STK3: variants seen among roughly 807,000 people sequenced by gnomAD.
STK3 encodes the protein serine/threonine-protein kinase 3.
In STK3, 41 loss-of-function variants were observed where a neutral mutation model predicts 58.0. That is an observed-to-expected ratio of 0.71 (90% CI 0.55 to 0.92). The LOEUF is 0.92. Among genes scored for constraint, STK3 ranks in the 40% least tolerant of loss-of-function variants. STK3 has a pLI of 0.00. For missense variants in STK3, 479 were observed against 602.7 expected (o/e 0.79, Z 2.15); for synonymous variants, 170 against 191.0 (o/e 0.89, Z 0.91).
intron 1 of STK3, among the ~76,000 whole-genome samples, chr8:98,888,996 G>C (rs1447245): frequency 0.25 from 38,130 of 152,096 alleles, 5,823 homozygotes; most frequent in East Asian, 0.44. Flanking sequence ...GTTCCCAAGA[G>C]CAGAATTCAG....
chr8:98,595,812 C>A, intron 7 of STK3: 4 of 418,596 alleles, frequency 9.6e-6, no homozygotes, highest in East Asian at 3.5e-5. Flanking sequence ...GACAAAGATT[C>A]CTTTCTGAAA....
intron 3 of STK3, among the ~76,000 whole-genome samples, chr8:98,760,467 G>A (rs934554023): frequency 6.6e-6 from 1 of 152,124 alleles, no homozygotes; most frequent in Non-Finnish European, 1.5e-5. Context: ...AGAGGAGTAA[G>A]CAGCTATGTC....
chr8:98,843,846 G>A lies in STK3; in HGVS notation c.110+39801C>T, dbSNP rs139702478. Among the ~76,000 whole-genome samples, 784 of 152,230 alleles carry A rather than the reference G, an allele frequency of 5.2e-3. 6 individuals are homozygous for A. The highest frequency in any genetic ancestry group is 0.017 in the African/African-American group (707 of 41,552). On this transcript the variant is annotated intron_variant, in intron 3 of 12. Coordinates refer to the STK3 transcript ENST00000523601. Reference sequence around the variant, plus strand: ...AGCCTGGCCAACATGGCAAAACCCCGTCTCTACTACAAAGACAAAAATTTG... The same window carrying A: ...AGCCTGGCCAACATGGCAAAACCCCATCTCTACTACAAAGACAAAAATTTG...
At chr8:98,620,314 G>T (rs1184857578) in intron 6 of STK3, among the ~76,000 whole-genome samples, 1 of 123,738 alleles carries the variant, frequency 8.1e-6, no homozygotes, top group African/African-American at 3.1e-5. Flanking sequence ...TGGGGACTGT[G>T]GTGGGGTGAG....
At chr8:98,627,586 A>G (rs1818829811) in intron 6 of STK3, among the ~76,000 whole-genome samples, 1 of 151,740 alleles carries the variant, frequency 6.6e-6, no homozygotes, top group Non-Finnish European at 1.5e-5. Flanking sequence ...TGACATACTC[A>G]TGCCCCCACT....
At chr8:98,729,602 T>C (rs905931495) in intron 4 of STK3, among the ~76,000 whole-genome samples, 3 of 152,366 alleles carry the variant, frequency 2.0e-5, no homozygotes, top group Non-Finnish European at 2.9e-5. Flanking sequence ...TAGATGATCA[T>C]GTCCAAAATG....
chr8:98,826,420 C>T (rs1310542224), upstream of STK3, among the ~76,000 whole-genome samples: 1 of 152,102 alleles, frequency 6.6e-6, no homozygotes, highest in Admixed American at 6.5e-5. Context: ...ATCTAATTAC[C>T]GAGAAAATAA....
At chr8:98,733,265 C>T (rs1828337331) in intron 4 of STK3, among the ~76,000 whole-genome samples, 1 of 152,194 alleles carries the variant, frequency 6.6e-6, no homozygotes. Context: ...CCTATTCTTT[C>T]AAGAATCTGC....
chr8:98,845,802 A>G (rs1229089972), intron 3 of STK3, among the ~76,000 whole-genome samples: 2 of 152,238 alleles, frequency 1.3e-5, no homozygotes, highest in Admixed American at 6.5e-5. Context: ...AACTTGCTGC[A>G]GAATGATTGG....
the STK3 span, among the ~76,000 whole-genome samples, chr8:98,353,144 A>G: frequency 6.6e-6 from 1 of 152,206 alleles, no homozygotes; most frequent in Non-Finnish European, 1.5e-5. Flanking sequence ...TTAAAATGTT[A>G]TATAAAATTA....
downstream of STK3, chr8:98,880,574 G>T (rs1837756113): frequency 6.6e-6 from 1 of 152,024 alleles, no homozygotes; most frequent in Non-Finnish European, 1.5e-5. Context: ...TAAGAACCAA[G>T]AATACAAATC....
intron 6 of STK3, among the ~76,000 whole-genome samples, chr8:98,639,664 T>C (rs1238998412): frequency 2.0e-5 from 3 of 152,228 alleles, no homozygotes; most frequent in African/African-American, 7.2e-5. Context: ...CAAAGGCATA[T>C]AGTAATAATT....
chr8:98,410,519 CAG>C (rs1818042720), intron 3 of STK3, among the ~76,000 whole-genome samples: 1 of 152,168 alleles, frequency 6.6e-6, no homozygotes, highest in Non-Finnish European at 1.5e-5. Flanking sequence ...TCAGCTGACT[CAG>C]ATGCTTTTTT....
At chr8:98,434,097 G>C (rs1818401198) in intron 3 of STK3, 1 of 152,254 alleles carries the variant, frequency 6.6e-6, no homozygotes. Context: ...GTATGGAGCA[G>C]ATGGCTCTCC....
intron 6 of STK3, among the ~76,000 whole-genome samples, chr8:98,599,118 T>G (rs1348270036): frequency 6.6e-6 from 1 of 152,196 alleles, no homozygotes; most frequent in African/African-American, 2.4e-5. Flanking sequence ...AAGAAATTCA[T>G]GCTATTATTT....
At chr8:98,492,811 G>A (rs1822803561) in intron 10 of STK3, among the ~76,000 whole-genome samples, 2 of 152,026 alleles carry the variant, frequency 1.3e-5, no homozygotes, top group African/African-American at 4.8e-5. Context: ...CCCTCTTCCT[G>A]TCCAGATGTG....
chr8:98,639,798 G>C (rs1364131688), intron 6 of STK3, among the ~76,000 whole-genome samples: 1 of 151,998 alleles, frequency 6.6e-6, no homozygotes, highest in African/African-American at 2.4e-5. Context: ...ACAAAGACAC[G>C]CCTTTGTTCA....
rs1390002585 is a variant in STK3, at chr8:98,548,016, A to G, written c.1094T>C (p.Met365Thr). ...TTCCTCATCCTCACTGTTTATCACC[A>G]TGGTCCCCAAGTCGGATTCCAACAT... ...STMLESDLGT[M>T]VINSEDEEEE... Residue 365 changes from methionine to threonine, a missense_variant, in exon 9 of 11, where the codon ATG becomes ACG. Coordinates refer to ENST00000419617, the MANE Select transcript of STK3 (RefSeq NM_006281.4). 1.2e-6 allele frequency: 2 copies of G among 1,609,348 alleles called. No homozygotes were observed. The highest frequency in any genetic ancestry group is 1.7e-6 in the Non-Finnish European group (2 of 1,177,966).
chr8:98,585,372 T>G (rs960668727), intron 7 of STK3, among the ~76,000 whole-genome samples: 4 of 152,118 alleles, frequency 2.6e-5, no homozygotes, highest in Admixed American at 6.6e-5. Context: ...CCATTGCTTG[T>G]TTTTCTCAGG....
Sources: gnomAD v4.1 joint callset for allele counts (sites outside exome capture counted in the v4.1 genomes callset) on GRCh38, gnomAD v4.1.1 for gene constraint, MANE v1.5 for transcripts, NCBI Gene and HGNC (gene_info 2026-07-23, HGNC 2026-07-21) for gene names.